Variants in SPON1 observed in about 807,000 individuals in gnomAD.
The protein encoded by SPON1 is spondin 1, also known as spondin-1.
In SPON1, 52 loss-of-function variants were observed where a neutral mutation model predicts 111.7. The observed-to-expected ratio is 0.47, with a 90% CI of 0.37 to 0.59. The LOEUF (loss-of-function observed/expected upper bound fraction) is 0.59, where lower values mean the gene tolerates loss of function less well. Ranked by LOEUF, SPON1 falls within the 20% of genes least tolerant of loss-of-function variation. SPON1 has a pLI of 0.00. For missense variants in SPON1, 957 were observed against 1,068.5 expected, an observed-to-expected ratio of 0.90 and a Z score of 1.46; for synonymous variants, 410 against 395.8, an observed-to-expected ratio of 1.04 and a Z score of -0.43.
chr11:14,156,034 C>A (rs190745789), intron 6 of SPON1, among the ~76,000 whole-genome samples: 1,297 of 122,872 alleles, frequency 0.011, 273 homozygotes, highest in African/African-American at 0.036. Flanking sequence ...ATGGCTAGGC[C>A]AAATGGTATT....
rs907214402 is a variant in SPON1 at position 13,969,170 on chromosome 11, A to T, written c.238+6028A>T. 3.4e-5 allele frequency among the ~76,000 whole-genome samples: 5 copies of T among 147,082 alleles called. No individual in the cohort carries two copies. The East Asian group carries it at 1.0e-3, about 30-fold the overall frequency. ...TGAGACAGGTGGATTGCTTAACCCC[A>T]GGAGTTCAAAATCAGCCTGGACAAT... On this transcript the variant is annotated intron_variant, in intron 1 of 15. Coordinates refer to ENST00000576479, the MANE Select transcript of SPON1 (RefSeq NM_006108.4).
intron 3 of SPON1, among the ~76,000 whole-genome samples, chr11:14,058,877 G>T (rs1554919541): frequency 6.6e-6 from 1 of 152,204 alleles, no homozygotes; most frequent in African/African-American, 2.4e-5. Context: ...GCAGAGCTGA[G>T]ATTTGAACCC....
intron 3 of SPON1, among the ~76,000 whole-genome samples, chr11:14,071,381 G>A (rs1335179418): frequency 6.6e-6 from 1 of 151,994 alleles, no homozygotes; most frequent in Non-Finnish European, 1.5e-5. Context: ...AACTCTGCAC[G>A]CTTTCCCTGG....
intron 15 of SPON1, among the ~76,000 whole-genome samples, chr11:14,263,499 T>C (rs975268032): frequency 6.6e-6 from 1 of 151,590 alleles, no homozygotes; most frequent in Non-Finnish European, 1.5e-5. Context: ...TGAGACTTTA[T>C]GATTTTTTTT....
At chr11:14,261,389 C>G (rs1483669338) in intron 14 of SPON1, among the ~76,000 whole-genome samples, 1 of 152,314 alleles carries the variant, frequency 6.6e-6, no homozygotes, top group South Asian at 2.1e-4. Flanking sequence ...GGCTCTGGCC[C>G]CCTCCAGCAT....
In SPON1 at chr11:14,262,552, CAGCCTGCCTCT is replaced by C. The variant is rs562017009; in HGVS notation, c.1997-159_1997-149del. On this transcript the variant is annotated intron_variant, in intron 14 of 15. Coordinates refer to ENST00000576479, the MANE Select transcript of SPON1 (RefSeq NM_006108.4). ...GCTTACCAACCACACGGGCTGAAGT[CAGCCTGCCTCT>C]TTGGAGCCTCAGTTTCTTCTTCTGT... 658 of 942,002 alleles carry C rather than the reference CAGCCTGCCTCT, an allele frequency of 7.0e-4. 18 individuals carry two copies. In the South Asian group the frequency reaches 0.01, roughly 15 times the overall value. The allele number at this position is 942,002 out of a possible 1,614,324, so 58.4% of individuals were successfully genotyped here.
At chr11:14,176,698 C>T (rs1848179414) in intron 6 of SPON1, among the ~76,000 whole-genome samples, 1 of 152,182 alleles carries the variant, frequency 6.6e-6, no homozygotes, top group Non-Finnish European at 1.5e-5. Context: ...AATCCATGCA[C>T]ATTGGGTCGG....
chr11:14,094,138 G>C (rs981430906), intron 5 of SPON1, among the ~76,000 whole-genome samples: 9 of 151,756 alleles, frequency 5.9e-5, no homozygotes, highest in Non-Finnish European at 1.0e-4. Context: ...CTTGAACCTG[G>C]GAGGCAGAGG....
At chr11:14,168,815 T>G (rs1430297503) in intron 6 of SPON1, among the ~76,000 whole-genome samples, 2 of 152,330 alleles carry the variant, frequency 1.3e-5, no homozygotes, top group Non-Finnish European at 2.9e-5. Flanking sequence ...TCCACGTCCC[T>G]ACGAAGGACA....
chr11:14,049,550 C>T (rs1322484758), intron 3 of SPON1, among the ~76,000 whole-genome samples: 1 of 152,208 alleles, frequency 6.6e-6, no homozygotes, highest in East Asian at 1.9e-4. Flanking sequence ...CTGCATCTCT[C>T]TCTCTGAACT....
intron 6 of SPON1, among the ~76,000 whole-genome samples, chr11:14,220,746 T>C (rs1199098624): frequency 6.6e-6 from 1 of 152,220 alleles, no homozygotes; most frequent in Non-Finnish European, 1.5e-5. Flanking sequence ...AAAAACAATT[T>C]CTTCTGCATT....
intron 1 of SPON1, among the ~76,000 whole-genome samples, chr11:13,963,985 G>A (rs56165237): frequency 0.18 from 26,719 of 152,070 alleles, 2,579 homozygotes; most frequent in Admixed American, 0.23. Context: ...TCGCGCCTAC[G>A]CCGCTCGGCT....
chr11:14,144,673 A>ATAATAATAAT (rs1564914879), intron 6 of SPON1, among the ~76,000 whole-genome samples: 3 of 124,918 alleles, frequency 2.4e-5, no homozygotes, highest in African/African-American at 9.1e-5. Context: ...ATAATAATGA[A>ATAATAATAAT]AAATAAAAAG....
At chr11:14,104,551 T>C (rs1849170869) in intron 5 of SPON1, among the ~76,000 whole-genome samples, 1 of 152,128 alleles carries the variant, frequency 6.6e-6, no homozygotes, top group Admixed American at 6.5e-5. Context: ...CCTACTCTGT[T>C]ACTGCTTCCA....
intron 5 of SPON1, among the ~76,000 whole-genome samples, chr11:14,080,322 G>C (rs888740436): frequency 6.6e-6 from 1 of 151,582 alleles, no homozygotes; most frequent in African/African-American, 2.4e-5. Context: ...TCCGCCTCCC[G>C]GGTTCAAGCA....
intron 7 of SPON1, 113 bp downstream of exon 7, chr11:14,243,509 A>C: frequency 1.1e-6 from 1 of 872,978 alleles, no homozygotes; most frequent in Middle Eastern, 2.1e-4. Context: ...ACTACTTCTC[A>C]GTTAACAAGC....
At chr11:14,207,961 C>T (rs1426732444) in intron 6 of SPON1, among the ~76,000 whole-genome samples, 2 of 152,202 alleles carry the variant, frequency 1.3e-5, no homozygotes, top group Non-Finnish European at 2.9e-5. Flanking sequence ...CCTAAATGCC[C>T]ATCAGTGGTA....
chr11:14,087,424 G>A (rs1191788696), intron 5 of SPON1, among the ~76,000 whole-genome samples: 8 of 152,140 alleles, frequency 5.3e-5, no homozygotes, highest in African/African-American at 1.9e-4. Context: ...TCCAGGAGCA[G>A]GTTGTTCAAT....
intron 6 of SPON1, among the ~76,000 whole-genome samples, chr11:14,171,550 C>T (rs1848100800): frequency 6.6e-6 from 1 of 152,072 alleles, no homozygotes; most frequent in Admixed American, 6.5e-5. Flanking sequence ...AATGTGTTTG[C>T]TCTTGCTTCT....
Sources: allele counts gnomAD v4.1 joint callset (sites outside exome capture counted in the v4.1 genomes callset), GRCh38; gene constraint gnomAD v4.1.1; transcripts MANE v1.5; gene names NCBI Gene and HGNC (gene_info 2026-07-23, HGNC 2026-07-21).